The following INPP5F variants were observed in gnomAD, a reference collection of about 807,000 sequenced individuals.
INPP5F encodes inositol polyphosphate-5-phosphatase F, also known as phosphatidylinositide 4-phosphatase SAC2.
Under a neutral mutation model 137.2 loss-of-function variants are expected in INPP5F, and 97 were observed. The observed-to-expected ratio is 0.71, with a 90% CI of 0.60 to 0.84. The LOEUF is 0.84. INPP5F is among the 40% of genes least tolerant of loss of function. INPP5F has a pLI of 0.00. For synonymous variants in INPP5F, 504 were observed against 476.9 expected (o/e 1.06, Z -0.74); for missense variants, 1,271 against 1,371.9 (o/e 0.93, Z 1.16).
At chr10:119,825,937 C>T (rs1356577618) in intron 19 of INPP5F, 2 of 398,354 alleles carry the variant, frequency 5.0e-6, no homozygotes, top group Non-Finnish European at 8.9e-6. Flanking sequence ...ATCAACTTTT[C>T]TTTCTTATTT....
chr10:119,806,527 T>G (rs1336437219), intron 12 of INPP5F, 47 bp downstream of exon 12: 1 of 1,520,702 alleles, frequency 6.6e-7, no homozygotes, highest in Middle Eastern at 1.8e-4. Flanking sequence ...CGAAATGCTT[T>G]TTTTTTCCAT....
intron 2 of INPP5F, among the ~76,000 whole-genome samples, chr10:119,755,785 A>G (rs1293873470): frequency 1.3e-5 from 2 of 152,342 alleles, no homozygotes; most frequent in African/African-American, 2.4e-5. Context: ...GTTGCCATCT[A>G]TAAGACAAAG....
At chr10:119,777,511 C>T (rs187185126) in intron 2 of INPP5F, among the ~76,000 whole-genome samples, 7 of 152,106 alleles carry the variant, frequency 4.6e-5, no homozygotes, top group Admixed American at 1.3e-4. Flanking sequence ...GGCAACAGCA[C>T]GAGACTCTGT....
chr10:119,766,992 C>A (rs1849184208), intron 2 of INPP5F, among the ~76,000 whole-genome samples: 1 of 150,044 alleles, frequency 6.7e-6, no homozygotes. Flanking sequence ...GCAATCCCAG[C>A]TACTTGGGAG....
intron 2 of INPP5F, among the ~76,000 whole-genome samples, chr10:119,753,928 G>A (rs529950492): frequency 1.3e-5 from 2 of 152,016 alleles, no homozygotes; most frequent in Non-Finnish European, 2.9e-5. Context: ...ACTTTATTGG[G>A]GCAGCTGGTC....
chr10:119,813,629 A>C (rs1423061910), intron 15 of INPP5F, among the ~76,000 whole-genome samples: 2 of 152,138 alleles, frequency 1.3e-5, no homozygotes, highest in Non-Finnish European at 2.9e-5. Flanking sequence ...TGTCTCAAAA[A>C]AAACAAAACA....
intron 15 of INPP5F, chr10:119,819,306 T>A (rs994099804): frequency 5.1e-6 from 2 of 392,296 alleles, no homozygotes; most frequent in Non-Finnish European, 6.6e-6. Flanking sequence ...TCAGTAAAAT[T>A]GGGGGTGGGG....
chr10:119,805,335 ATC>A lies in INPP5F; in HGVS notation c.1242-47_1242-46del, dbSNP rs749361050. The A allele has an allele frequency of 3.4e-6, 5 of 1,449,300 alleles. No homozygotes were observed. The East Asian group carries it at 1.1e-4, about 33-fold the overall frequency. 89.8% of individuals were successfully genotyped at this position (1,449,300 alleles called of 1,614,324 possible). The stretch of plus-strand genomic sequence containing the variant: ...ATAGCATATCTTAAGTTTTAAAAAA[ATC>A]TATGATTAAATTAAAGATTTTTTCT... On this transcript the variant is annotated intron_variant, in intron 10 of 19. Coordinates refer to ENST00000650623, the MANE Select transcript of INPP5F (RefSeq NM_014937.4).
intron 9 of INPP5F, among the ~76,000 whole-genome samples, chr10:119,802,073 C>T (rs188482914): frequency 3.3e-5 from 5 of 152,282 alleles, no homozygotes; most frequent in Admixed American, 2.0e-4. Context: ...GGTTCAGGCA[C>T]GGACCTGTGT....
At chr10:119,778,933 A>C (rs1250507148) in intron 2 of INPP5F, among the ~76,000 whole-genome samples, 1 of 152,174 alleles carries the variant, frequency 6.6e-6, no homozygotes, top group Non-Finnish European at 1.5e-5. Context: ...AAGAGTCAGA[A>C]TTCTACTCAG....
intron 12 of INPP5F, 104 bp downstream of exon 12, chr10:119,806,584 C>T: frequency 9.3e-7 from 1 of 1,076,654 alleles, no homozygotes; most frequent in Non-Finnish European, 1.3e-6. Context: ...ATATTCTTTA[C>T]AACATTTACA....
rs146162738 is a variant in INPP5F, at chr10:119,810,156, G to A, written c.1626G>A (p.Val542=). 2 of 1,613,326 alleles carry A rather than the reference G, an allele frequency of 1.2e-6. No individual in the cohort carries two copies. Among genetic ancestry groups the A allele is most frequent in the South Asian group, 2.2e-5 (2 of 91,052 alleles). ...TAGCAGGAGTTATGAAAGATGGAGT[G>A]AACTCAGCAAACAGATATTACCTCA... The part of the protein sequence containing the change: ...RKLAGVMKDG[V]NSANRYYLNR... Residue 542 remains valine, a synonymous_variant, in exon 14 of 20, where the codon GTG becomes GTA. Coordinates refer to ENST00000650623, the MANE Select transcript of INPP5F (RefSeq NM_014937.4).
At chr10:119,812,203 T>C (rs933798188) in intron 15 of INPP5F, among the ~76,000 whole-genome samples, 2 of 152,220 alleles carry the variant, frequency 1.3e-5, no homozygotes, top group African/African-American at 2.4e-5. Context: ...AAAATTCAAA[T>C]TGCCAAACTA....
chr10:119,822,067 T>C (rs1851590490), intron 16 of INPP5F, among the ~76,000 whole-genome samples: 1 of 151,974 alleles, frequency 6.6e-6, no homozygotes. Context: ...ATTTTGTATT[T>C]TTAGTAAAGA....
chr10:119,818,862 C>T (rs1473856803), intron 15 of INPP5F: 1 of 152,340 alleles, frequency 6.6e-6, no homozygotes, highest in Non-Finnish European at 1.5e-5. Flanking sequence ...GCTGCCACTG[C>T]CGCAGCAGCC....
chr10:119,731,829 T>A (rs1848077124), intron 1 of INPP5F, among the ~76,000 whole-genome samples: 1 of 152,196 alleles, frequency 6.6e-6, no homozygotes, highest in African/African-American at 2.4e-5. Flanking sequence ...TATAATGGGT[T>A]ACTAGTTTTA....
At chr10:119,744,719 T>C (rs953467833) in intron 1 of INPP5F, among the ~76,000 whole-genome samples, 4 of 152,156 alleles carry the variant, frequency 2.6e-5, no homozygotes, top group African/African-American at 4.8e-5. Flanking sequence ...ACCTGGTTAA[T>C]ATTTTGTAGA....
chr10:119,812,740 T>C (rs1415136954), intron 15 of INPP5F, among the ~76,000 whole-genome samples: 1 of 152,226 alleles, frequency 6.6e-6, no homozygotes, highest in Non-Finnish European at 1.5e-5. Flanking sequence ...TTCACTTTGA[T>C]AGTAAATACT....
intron 1 of INPP5F, among the ~76,000 whole-genome samples, chr10:119,736,812 T>C (rs1462030537): frequency 1.3e-5 from 2 of 152,220 alleles, no homozygotes; most frequent in African/African-American, 4.8e-5. Flanking sequence ...ATTAGATCCC[T>C]TTTTAAATAA....
Sources: gnomAD v4.1 joint callset for allele counts (sites outside exome capture counted in the v4.1 genomes callset) on GRCh38, gnomAD v4.1.1 for gene constraint, MANE v1.5 for transcripts, NCBI Gene and HGNC (gene_info 2026-07-23, HGNC 2026-07-21) for gene names.